The following LUZP2 variants were observed in gnomAD, a reference collection of about 807,000 sequenced individuals.
The protein encoded by LUZP2 is leucine zipper protein 2.
A neutral mutation model predicts 51.6 loss-of-function variants in LUZP2; 52 were observed. The ratio of observed to expected loss-of-function variants is 1.01; its 90% CI spans 0.81 to 1.27. The LOEUF is 1.27. Ranked by LOEUF, LUZP2 falls within the 50% of genes most tolerant of loss-of-function variation. The pLI, the probability that LUZP2 is intolerant of heterozygous loss-of-function variation, is 0.00. For synonymous variants in LUZP2, 154 were observed against 137.3 expected (o/e 1.12, Z -0.85); for missense variants, 436 against 395.4 (o/e 1.10, Z -0.87).
intron 1 of LUZP2, among the ~76,000 whole-genome samples, chr11:24,710,181 G>GA (rs1857759139): frequency 6.6e-6 from 1 of 151,972 alleles, no homozygotes; most frequent in Non-Finnish European, 1.5e-5. Flanking sequence ...ATTCTCAAAG[G>GA]AAAAAAATTA....
At chr11:24,686,889 T>C (rs1046343075) in intron 1 of LUZP2, among the ~76,000 whole-genome samples, 2 of 152,192 alleles carry the variant, frequency 1.3e-5, no homozygotes, top group African/African-American at 4.8e-5. Flanking sequence ...CTTGTTAACA[T>C]TGAAAATTTA....
chr11:25,077,435 C>G, intron 11 of LUZP2, 29 bp downstream of exon 11: 2 of 1,329,602 alleles, frequency 1.5e-6, no homozygotes, highest in Non-Finnish European at 2.1e-6. Flanking sequence ...TCGTTTGTGT[C>G]AAAAAGCATT....
chr11:24,717,284 T>A (rs909094930), intron 1 of LUZP2, among the ~76,000 whole-genome samples: 6 of 151,764 alleles, frequency 4.0e-5, no homozygotes, highest in Non-Finnish European at 1.5e-5. Flanking sequence ...AGTCTTAATT[T>A]TTTTTCTTAT....
chr11:24,818,526 C>T (rs367898937), intron 5 of LUZP2, among the ~76,000 whole-genome samples: 1 of 151,848 alleles, frequency 6.6e-6, no homozygotes, highest in Non-Finnish European at 1.5e-5. Flanking sequence ...TGAAAGCATG[C>T]GTATCAATCT....
At chr11:24,674,262 C>T (rs1290577612) in intron 1 of LUZP2, among the ~76,000 whole-genome samples, 1 of 152,200 alleles carries the variant, frequency 6.6e-6, no homozygotes, top group Non-Finnish European at 1.5e-5. Context: ...TCTGGTTCCA[C>T]TTTTATTTCC....
intron 5 of LUZP2, chr11:24,891,674 C>G (rs190206559): frequency 2.6e-6 from 2 of 766,184 alleles, no homozygotes; most frequent in African/African-American, 3.8e-5. Context: ...AGGAATAACA[C>G]TGTACTTGTT....
chr11:24,737,291 C>T (rs375999654), intron 3 of LUZP2, among the ~76,000 whole-genome samples: 2 of 152,000 alleles, frequency 1.3e-5, no homozygotes, highest in East Asian at 3.9e-4. Flanking sequence ...GAGGGTGTGT[C>T]ACTTGCTCAA....
chr11:24,728,651 T>C (rs1300517705), intron 1 of LUZP2, among the ~76,000 whole-genome samples: 5 of 152,066 alleles, frequency 3.3e-5, no homozygotes, highest in African/African-American at 1.2e-4. Flanking sequence ...AACAGTCTTC[T>C]GAAATGAGTA....
chr11:24,719,615 G>A (rs554546392), intron 1 of LUZP2, among the ~76,000 whole-genome samples: 6 of 152,286 alleles, frequency 3.9e-5, no homozygotes, highest in African/African-American at 1.4e-4. Flanking sequence ...AAATATGCCC[G>A]TAACTATTCT....
intron 7 of LUZP2, among the ~76,000 whole-genome samples, chr11:24,928,089 T>A (rs1231330813): frequency 6.6e-6 from 1 of 152,152 alleles, no homozygotes; most frequent in African/African-American, 2.4e-5. Flanking sequence ...ACATTTATTT[T>A]GTATCCTGAA....
chr11:24,751,492 A>G, intron 4 of LUZP2: 5 of 634,874 alleles, frequency 7.9e-6, no homozygotes, highest in Non-Finnish European at 9.8e-6. Context: ...CCTGTCATCA[A>G]GGTAACATCA....
At chr11:24,614,175 G>T (rs12275306) in intron 1 of LUZP2, among the ~76,000 whole-genome samples, 33,277 of 151,690 alleles carry the variant, frequency 0.22, 4,448 homozygotes, top group African/African-American at 0.37. Flanking sequence ...CTAATATACA[G>T]CTGTCTAAAA....
intron 5 of LUZP2, among the ~76,000 whole-genome samples, chr11:24,856,677 A>G (rs1282485591): frequency 2.6e-5 from 4 of 152,124 alleles, no homozygotes; most frequent in African/African-American, 9.6e-5. Flanking sequence ...GGTCAATAGA[A>G]GTGTCCATCA....
chr11:24,734,517 C>T (rs979565320), intron 3 of LUZP2, among the ~76,000 whole-genome samples: 4 of 151,610 alleles, frequency 2.6e-5, no homozygotes, highest in Non-Finnish European at 5.9e-5. Flanking sequence ...ATAGTTTTAT[C>T]TAAAATTAAA....
intron 4 of LUZP2, among the ~76,000 whole-genome samples, chr11:24,751,708 TA>T (rs200341886): frequency 0.086 from 11,178 of 130,184 alleles, 584 homozygotes; most frequent in African/African-American, 0.17. Flanking sequence ...AATTGAAAAT[TA>T]AAAAAAAAAA....
chr11:24,770,815 A>G (rs1458239064), intron 5 of LUZP2, among the ~76,000 whole-genome samples: 1 of 152,198 alleles, frequency 6.6e-6, no homozygotes, highest in South Asian at 2.1e-4. Context: ...TTGAAGAGCT[A>G]AAAATACAGC....
chr11:24,959,179 C>T (rs1366895220), intron 7 of LUZP2, among the ~76,000 whole-genome samples: 2 of 152,064 alleles, frequency 1.3e-5, no homozygotes, highest in Non-Finnish European at 2.9e-5. Flanking sequence ...AGTTTGAAGT[C>T]AGGTAGTGTG....
At chr11:24,626,984 G>A (rs192818346) in intron 1 of LUZP2, among the ~76,000 whole-genome samples, 111 of 151,070 alleles carry the variant, frequency 7.3e-4, no homozygotes, top group African/African-American at 2.5e-3. Flanking sequence ...CTAATCGACA[G>A]GGCAAGTCTG....
At position 24,729,161 on chromosome 11, in the gene LUZP2, T is replaced by G. The variant is rs191965311; in HGVS notation, c.63-8T>G. 3.4e-6 allele frequency: 5 copies of G among 1,457,146 alleles called. No individual in the cohort carries two copies. The East Asian group carries it at 1.2e-4, about 36-fold the overall frequency. 90.3% of individuals were successfully genotyped at this position (1,457,146 alleles called of 1,614,324 possible). On this transcript the variant is annotated splice_region_variant and splice_polypyrimidine_tract_variant and intron_variant, in intron 1 of 11. Transcript: ENST00000336930. ...GGGGGGCTCTCATGCCTGTTCTTTC[T>G]GTGTTAGACAGGACTATGAAGAGCT...
Sources: allele counts gnomAD v4.1 joint callset (sites outside exome capture counted in the v4.1 genomes callset), GRCh38; gene constraint gnomAD v4.1.1; transcripts MANE v1.5; gene names NCBI Gene and HGNC (gene_info 2026-07-23, HGNC 2026-07-21).